GTF3C5: variants seen among roughly 807,000 people sequenced by gnomAD.
GTF3C5 encodes the protein general transcription factor IIIC subunit 5.
GTF3C5 carries 47 observed loss-of-function variants against 61.0 expected under a neutral mutation model. The observed-to-expected ratio is 0.77, with a 90% CI of 0.61 to 0.98. The LOEUF (loss-of-function observed/expected upper bound fraction) is 0.98. Ranked by LOEUF, GTF3C5 falls within the 50% of genes least tolerant of loss-of-function variation. GTF3C5 has a pLI of 0.00. For missense variants in GTF3C5, 659 were observed against 703.3 expected (o/e 0.94, Z 0.71); for synonymous variants, 295 against 275.4 (o/e 1.07, Z -0.71).
chr9:133,040,662 C>T (rs1850011078), intron 1 of GTF3C5, among the ~76,000 whole-genome samples: 2 of 152,060 alleles, frequency 1.3e-5, no homozygotes, highest in Admixed American at 6.6e-5. Context: ...ATTTGGACCT[C>T]GAAACATTTG....
chr9:133,030,952 C>A (rs979065411), upstream of GTF3C5: 4 of 1,570,040 alleles, frequency 2.5e-6, no homozygotes, highest in East Asian at 2.3e-5. Context: ...ACAATTGAGG[C>A]GAGGCCTTTG....
chr9:133,035,561 T>C (rs185883887), intron 1 of GTF3C5, among the ~76,000 whole-genome samples: 1 of 152,296 alleles, frequency 6.6e-6, no homozygotes, highest in East Asian at 1.9e-4. Context: ...TTGGATAACA[T>C]TTCTCTTTGG....
At chr9:133,043,429 G>A (rs564649958) in intron 2 of GTF3C5, among the ~76,000 whole-genome samples, 5 of 152,326 alleles carry the variant, frequency 3.3e-5, no homozygotes, top group Admixed American at 6.5e-5. Flanking sequence ...TGGTGCAAAG[G>A]TAATTGCAGG....
chr9:133,054,645 T>C, intron 7 of GTF3C5, 67 bp from the exon 8 acceptor site: 1 of 1,453,384 alleles, frequency 6.9e-7, no homozygotes, highest in Non-Finnish European at 9.4e-7. Context: ...GGGCAGGGCA[T>C]GGTGGTTGGG....
At chr9:133,039,277 G>A (rs1588464892) in intron 1 of GTF3C5, among the ~76,000 whole-genome samples, 1 of 151,986 alleles carries the variant, frequency 6.6e-6, no homozygotes, top group East Asian at 1.9e-4. Flanking sequence ...TCTGACAAAG[G>A]CTTATACATA....
chr9:133,032,928 A>G (rs1183778167), intron 1 of GTF3C5, among the ~76,000 whole-genome samples: 8 of 152,204 alleles, frequency 5.3e-5, no homozygotes, highest in Non-Finnish European at 1.2e-4. Flanking sequence ...TATTTGGGAT[A>G]AAAGTACAAC....
chr9:133,030,755 G>T, upstream of GTF3C5: 1 of 596,326 alleles, frequency 1.7e-6, no homozygotes, highest in Non-Finnish European at 3.1e-6. Context: ...AGAGACTGGT[G>T]CTTGCCCCGC....
intron 5 of GTF3C5, 40 bp from the exon 6 acceptor site, chr9:133,053,788 C>G: frequency 2.7e-3 from 3,272 of 1,190,748 alleles, no homozygotes; most frequent in Non-Finnish European, 3.6e-3. Context: ...GGACCTGGGC[C>G]TTCACCTCAC....
chr9:133,051,788 C>T (rs1564202615), intron 4 of GTF3C5, among the ~76,000 whole-genome samples: 1 of 152,246 alleles, frequency 6.6e-6, no homozygotes, highest in African/African-American at 2.4e-5. Context: ...GCTGTGGGCT[C>T]TATGAGGACA....
intron 1 of GTF3C5, among the ~76,000 whole-genome samples, chr9:133,039,532 T>C (rs758111054): frequency 5.0e-4 from 76 of 152,276 alleles, no homozygotes; most frequent in Non-Finnish European, 1.0e-3. Context: ...CCCTGCCAGG[T>C]AGCTGGGACT....
At chr9:133,039,593 C>T (rs1017308511) in intron 1 of GTF3C5, among the ~76,000 whole-genome samples, 3 of 152,058 alleles carry the variant, frequency 2.0e-5, no homozygotes, top group African/African-American at 7.3e-5. Flanking sequence ...TTTGTAGAGA[C>T]GTGGTCTCCC....
At chr9:133,035,919 T>G (rs1564194707) in intron 1 of GTF3C5, among the ~76,000 whole-genome samples, 1 of 152,168 alleles carries the variant, frequency 6.6e-6, no homozygotes, top group Non-Finnish European at 1.5e-5. Flanking sequence ...TCCAAAGGTA[T>G]GAGCTAGCCC....
At chr9:133,054,894 G>A (rs531796632) in intron 8 of GTF3C5, 85 bp downstream of exon 8, 2 of 1,538,680 alleles carry the variant, frequency 1.3e-6, no homozygotes, top group African/African-American at 2.7e-5. Flanking sequence ...GGGGGGCTGT[G>A]ATTAGGGCAG....
In GTF3C5 at chr9:133,058,304, T is replaced by C. The variant is rs1830000263; in HGVS notation, c.*324T>C. On this transcript the variant is annotated 3_prime_UTR_variant, in exon 11 of 11. Transcript: ENST00000372097. Reference sequence around the variant, plus strand: ...GACCAGTAAATGCCGGAGGTGGAGCTGGGCAGCTGTGGAGCCCCAGGCCAC... The same window carrying C: ...GACCAGTAAATGCCGGAGGTGGAGCCGGGCAGCTGTGGAGCCCCAGGCCAC... 1 of 342,632 alleles carries C rather than the reference T, an allele frequency of 2.9e-6. No individual in the cohort carries two copies. The highest frequency in any genetic ancestry group is 2.2e-5 in the African/African-American group (1 of 45,294). 21.2% of individuals were successfully genotyped at this position (342,632 alleles called of 1,614,324 possible).
At chr9:133,032,444 A>G (rs572567561) in intron 1 of GTF3C5, among the ~76,000 whole-genome samples, 68 of 152,376 alleles carry the variant, frequency 4.5e-4, no homozygotes, top group Admixed American at 4.0e-3. Context: ...GCAAGGAGGC[A>G]CAAAGAACAA....
At chr9:133,045,397 G>A (rs192140844) in intron 3 of GTF3C5, among the ~76,000 whole-genome samples, 64 of 152,296 alleles carry the variant, frequency 4.2e-4, no homozygotes, top group African/African-American at 1.5e-3. Context: ...ACGGTGTCCT[G>A]ATTTTTGTAT....
intron 8 of GTF3C5, chr9:133,055,399 A>G (rs1484997728): frequency 7.8e-7 from 1 of 1,289,504 alleles, no homozygotes; most frequent in African/African-American, 1.5e-5. Context: ...GATGCGAGGG[A>G]CTTGCTGTCC....
At chr9:133,039,290 A>G (rs75985612) in intron 1 of GTF3C5, among the ~76,000 whole-genome samples, 2,170 of 152,312 alleles carry the variant, frequency 0.014, 53 homozygotes, top group African/African-American at 0.047. Flanking sequence ...TATACATATA[A>G]AACATTTAAG....
intron 1 of GTF3C5, among the ~76,000 whole-genome samples, chr9:133,037,502 T>G (rs545460812): frequency 6.6e-6 from 1 of 152,000 alleles, no homozygotes; most frequent in Non-Finnish European, 1.5e-5. Flanking sequence ...CCCCCGGGGT[T>G]TTTAACTTTA....
Sources: gnomAD v4.1 joint callset for allele counts (sites outside exome capture counted in the v4.1 genomes callset) on GRCh38, gnomAD v4.1.1 for gene constraint, MANE v1.5 for transcripts, NCBI Gene and HGNC (gene_info 2026-07-23, HGNC 2026-07-21) for gene names.